Variants in NAALADL2 observed in about 807,000 individuals in gnomAD.
The protein encoded by NAALADL2 is inactive N-acetylated-alpha-linked acidic dipeptidase-like protein 2.
Under a neutral mutation model 87.2 loss-of-function variants are expected in NAALADL2, and 76 were observed. That is an observed-to-expected ratio of 0.87 (90% CI 0.72 to 1.05). The LOEUF (loss-of-function observed/expected upper bound fraction) is 1.05. Ranked by LOEUF, NAALADL2 falls within the 50% of genes least tolerant of loss-of-function variation. The pLI, the probability that NAALADL2 is intolerant of heterozygous loss-of-function variation, is 0.00. For missense variants in NAALADL2, 1,089 were observed against 945.8 expected (o/e 1.15, Z -1.99); for synonymous variants, 354 against 331.0 (o/e 1.07, Z -0.75).
chr3:175,336,282 T>C (rs1488380881), intron 5 of NAALADL2, among the ~76,000 whole-genome samples: 3 of 152,166 alleles, frequency 2.0e-5, no homozygotes, highest in African/African-American at 4.8e-5. Context: ...TTATTATTAT[T>C]GTAATGTGTT....
chr3:175,051,620 CAT>C (rs1278710054), intron 1 of NAALADL2, among the ~76,000 whole-genome samples: 2 of 152,180 alleles, frequency 1.3e-5, no homozygotes, highest in African/African-American at 4.8e-5. Flanking sequence ...GTTTAGATAA[CAT>C]AATCTAACCA....
chr3:174,922,590 AC>A (rs770072001), intron 1 of NAALADL2, among the ~76,000 whole-genome samples: 15 of 152,284 alleles, frequency 9.9e-5, no homozygotes, highest in Middle Eastern at 6.8e-3. Flanking sequence ...CCAGGAGCCC[AC>A]ATTGCCTTTA....
At chr3:175,628,307 G>A (rs150312015) in intron 11 of NAALADL2, among the ~76,000 whole-genome samples, 5 of 151,776 alleles carry the variant, frequency 3.3e-5, no homozygotes, top group East Asian at 1.9e-4. Context: ...TAGGCTGGGC[G>A]AAGATAAGAT....
chr3:175,397,752 G>T (rs12495889), intron 5 of NAALADL2, among the ~76,000 whole-genome samples: 44,279 of 152,034 alleles, frequency 0.29, 7,098 homozygotes, highest in East Asian at 0.48. Context: ...TGCACACATA[G>T]CTTCATGTGG....
chr3:175,614,235 T>C (rs1725039422), intron 10 of NAALADL2, among the ~76,000 whole-genome samples: 1 of 152,180 alleles, frequency 6.6e-6, no homozygotes, highest in African/African-American at 2.4e-5. Context: ...GTATTTTTAG[T>C]AGAGACCAGG....
rs1168817019 is a variant in NAALADL2 at position 175,588,534 on chromosome 3, C to CTTTTTTTTTTTTTTTTTTTTTT, written c.1800+12348_1800+12369dup. 4.0e-4 allele frequency among the ~76,000 whole-genome samples: 31 copies of CTTTTTTTTTTTTTTTTTTTTTT among 78,140 alleles called. 3 individuals carry two copies. Among genetic ancestry groups the CTTTTTTTTTTTTTTTTTTTTTT allele is most frequent in the African/African-American group, 9.8e-4 (19 of 19,304 alleles). 51.3% of individuals were successfully genotyped at this position (78,140 alleles called of 152,430 possible). ...TTAGGAGACTTTCTTTCTTTCTTTT[C>CTTTTTTTTTTTTTTTTTTTTTT]TTTTTTTTTTTTTTTTTTTTTTGAG... On this transcript the variant is annotated intron_variant, in intron 10 of 13. Coordinates refer to ENST00000454872, the MANE Select transcript of NAALADL2 (RefSeq NM_207015.3).
rs543368923 is a variant in NAALADL2 at position 174,930,024 on chromosome 3, A to G, written c.43+70574A>G. On this transcript the variant is annotated intron_variant, in intron 1 of 13. Coordinates refer to ENST00000454872, the MANE Select transcript of NAALADL2 (RefSeq NM_207015.3). Reference sequence around the variant, plus strand: ...TTCTATCTTTACTCCAATCAAAGCCACCTTAGTTTCTCTCTTAGTGTACTT... The same window carrying G: ...TTCTATCTTTACTCCAATCAAAGCCGCCTTAGTTTCTCTCTTAGTGTACTT... Among the ~76,000 whole-genome samples, 11 of 152,264 alleles carry G rather than the reference A, an allele frequency of 7.2e-5. No homozygotes were observed. The South Asian group carries it at 8.3e-4, about 11-fold the overall frequency.
intron 11 of NAALADL2, among the ~76,000 whole-genome samples, chr3:175,715,490 G>T (rs1231932078): frequency 6.6e-6 from 1 of 152,046 alleles, no homozygotes; most frequent in African/African-American, 2.4e-5. Context: ...GTTATTATTA[G>T]ATGTCTTTAT....
At chr3:175,324,495 A>T (rs1310638542) in intron 5 of NAALADL2, among the ~76,000 whole-genome samples, 170 bp downstream of exon 5, 2 of 152,238 alleles carry the variant, frequency 1.3e-5, no homozygotes, top group Non-Finnish European at 2.9e-5. Flanking sequence ...TAGACTACCA[A>T]TTTGTTGGTA....
intron 10 of NAALADL2, among the ~76,000 whole-genome samples, chr3:175,599,800 T>A (rs1722713990): frequency 6.6e-6 from 1 of 152,174 alleles, no homozygotes; most frequent in South Asian, 2.1e-4. Flanking sequence ...TATTACCCAT[T>A]ACTATATGTA....
intron 4 of NAALADL2, among the ~76,000 whole-genome samples, chr3:175,258,319 A>G (rs11712255): frequency 1.0e-5 from 1 of 97,752 alleles, no homozygotes; most frequent in East Asian, 3.5e-4. Context: ...CTCCGCCCCC[A>G]CCACCAAAAA....
intron 1 of NAALADL2, among the ~76,000 whole-genome samples, chr3:174,874,335 A>G (rs1728212527): frequency 6.6e-6 from 1 of 152,216 alleles, no homozygotes; most frequent in African/African-American, 2.4e-5. Context: ...TCTTGACTAC[A>G]GTCTCCCCTA....
intron 5 of NAALADL2, among the ~76,000 whole-genome samples, chr3:175,434,335 G>A (rs1016067354): frequency 2.0e-5 from 3 of 151,970 alleles, no homozygotes; most frequent in African/African-American, 7.2e-5. Context: ...AATTAGAGGT[G>A]AAGCAAAGGC....
At chr3:174,961,342 T>C (rs1310569455) in intron 1 of NAALADL2, among the ~76,000 whole-genome samples, 1 of 151,762 alleles carries the variant, frequency 6.6e-6, no homozygotes, top group African/African-American at 2.4e-5. Context: ...ACTTTATCTA[T>C]ACAAAATTCA....
chr3:174,991,536 A>G (rs1418120545), intron 1 of NAALADL2, among the ~76,000 whole-genome samples: 1 of 152,156 alleles, frequency 6.6e-6, no homozygotes, highest in Non-Finnish European at 1.5e-5. Context: ...TTCAAGTACA[A>G]TCAGATGTGT....
chr3:174,458,961 T>G (rs902784918), intron 1 of NAALADL2, among the ~76,000 whole-genome samples: 1 of 152,176 alleles, frequency 6.6e-6, no homozygotes, highest in African/African-American at 2.4e-5. Flanking sequence ...GCTAGCCTTC[T>G]TCTAGGGTGG....
At chr3:175,147,094 A>G (rs1321819519) in intron 2 of NAALADL2, among the ~76,000 whole-genome samples, 1 of 152,202 alleles carries the variant, frequency 6.6e-6, no homozygotes, top group African/African-American at 2.4e-5. Context: ...TTTTTAAAAA[A>G]TAATTTCAAA....
chr3:175,452,017 C>G (rs1341905864), intron 6 of NAALADL2, among the ~76,000 whole-genome samples: 1 of 152,140 alleles, frequency 6.6e-6, no homozygotes, highest in Non-Finnish European at 1.5e-5. Flanking sequence ...AACATATTAT[C>G]TACAAGTTGT....
At chr3:174,487,688 T>A (rs923791620) in intron 1 of NAALADL2, among the ~76,000 whole-genome samples, 2 of 147,696 alleles carry the variant, frequency 1.4e-5, no homozygotes, top group Admixed American at 1.4e-4. Flanking sequence ...AAGCATGGAG[T>A]AAGAGTGTTT....
Sources: gnomAD v4.1 joint callset for allele counts (sites outside exome capture counted in the v4.1 genomes callset) on GRCh38, gnomAD v4.1.1 for gene constraint, MANE v1.5 for transcripts, NCBI Gene and HGNC (gene_info 2026-07-23, HGNC 2026-07-21) for gene names.